EFCAB5: variants seen among roughly 807,000 people sequenced by gnomAD.
The protein encoded by EFCAB5 is EF-hand calcium-binding domain-containing protein 5.
Under a neutral mutation model 167.9 loss-of-function variants are expected in EFCAB5, and 131 were observed. That is an observed-to-expected ratio of 0.78 (90% confidence interval 0.68 to 0.90). The LOEUF (loss-of-function observed/expected upper bound fraction) is 0.90. EFCAB5 is among the 40% of genes least tolerant of loss of function. The probability of loss-of-function intolerance (pLI) is 0.00; values close to 1 mark genes in which losing one functional copy is unlikely to be tolerated. For synonymous variants in EFCAB5, 574 were observed against 602.8 expected (o/e 0.95, Z 0.70); for missense variants, 1,663 against 1,745.2 (o/e 0.95, Z 0.84).
chr17:30,060,727 A>G (rs1458626342), intron 14 of EFCAB5, among the ~76,000 whole-genome samples: 1 of 152,250 alleles, frequency 6.6e-6, no homozygotes, highest in Non-Finnish European at 1.5e-5. Flanking sequence ...GTCTTAGGAT[A>G]CATCCAATGA....
At chr17:30,073,623 C>CT (rs1472384473) in intron 14 of EFCAB5, 2 of 707,010 alleles carry the variant, frequency 2.8e-6, no homozygotes, top group Non-Finnish European at 5.3e-6. Context: ...TTGTTAACAG[C>CT]TTTTTTCTTT....
chr17:30,106,225 G>A (rs1376026959), intron 22 of EFCAB5, among the ~76,000 whole-genome samples: 1 of 151,668 alleles, frequency 6.6e-6, no homozygotes. Flanking sequence ...AGAAGTTCAA[G>A]ACTAGCCTGG....
chr17:29,996,087 G>A (rs2068537132), intron 5 of EFCAB5, among the ~76,000 whole-genome samples: 1 of 152,044 alleles, frequency 6.6e-6, no homozygotes, highest in African/African-American at 2.4e-5. Context: ...AAAAAAAATT[G>A]AAATCCATGC....
chr17:30,031,266 T>C (rs2151732263), intron 7 of EFCAB5, among the ~76,000 whole-genome samples: 1 of 152,206 alleles, frequency 6.6e-6, no homozygotes, highest in African/African-American at 2.4e-5. Context: ...AAACTATAGA[T>C]TATTGGGCCC....
chr17:30,097,335 G>C (rs1052423674), intron 22 of EFCAB5, among the ~76,000 whole-genome samples: 1 of 152,122 alleles, frequency 6.6e-6, no homozygotes, highest in Non-Finnish European at 1.5e-5. Context: ...GATTACAGGC[G>C]TGAGCCACTG....
chr17:30,017,256 C>T (rs918243566), intron 7 of EFCAB5, among the ~76,000 whole-genome samples: 1 of 151,954 alleles, frequency 6.6e-6, no homozygotes, highest in African/African-American at 2.4e-5. Context: ...ATGCATATTA[C>T]CGTCACCCAG....
chr17:29,977,686 AAGAG>A (rs1244813884), intron 4 of EFCAB5, among the ~76,000 whole-genome samples: 1 of 152,202 alleles, frequency 6.6e-6, no homozygotes, highest in Non-Finnish European at 1.5e-5. Context: ...TTAATCCATA[AAGAG>A]AGAGAAACAC....
intron 7 of EFCAB5, among the ~76,000 whole-genome samples, chr17:30,003,522 T>A (rs887253498): frequency 2.0e-5 from 3 of 151,148 alleles, no homozygotes; most frequent in Middle Eastern, 3.2e-3. Flanking sequence ...CGTGAGCCAC[T>A]GTGCCCAGCC....
In EFCAB5 at chr17:30,053,302, G is replaced by C. The variant is rs777624712; in HGVS notation, c.1348G>C (p.Asp450His). 6.2e-7 allele frequency: 1 copy of C among 1,613,180 alleles called. No individual in the cohort carries two copies. Among genetic ancestry groups the C allele is most frequent in the Admixed American group, 1.7e-5 (1 of 59,932 alleles). ...GATAAACTTGACTGAGTTGTGGGGA[G>C]ACATGGATAATCAGAAACACATTTA... is the stretch of plus-strand genomic sequence containing the variant. ...EEINLTELWG[D>H]MDNQKHIYEG... is the part of the protein sequence containing the mutation. Residue 450 changes from aspartate to histidine, a missense_variant, in exon 10 of 23, where the codon GAC (aspartate) becomes CAC (histidine). By Grantham distance (81) the Asp-to-His change is moderately conservative. Transcript: ENST00000394835.
intron 4 of EFCAB5, among the ~76,000 whole-genome samples, chr17:29,972,106 C>T (rs1232951200): frequency 4.0e-5 from 6 of 151,496 alleles, no homozygotes; most frequent in Non-Finnish European, 8.8e-5. Flanking sequence ...GGCGTGATCT[C>T]GGCTCACTGC....
intron 7 of EFCAB5, among the ~76,000 whole-genome samples, chr17:30,008,561 GCCTGGGTGA>G (rs1235551097): frequency 6.6e-6 from 1 of 151,738 alleles, no homozygotes; most frequent in Non-Finnish European, 1.5e-5. Flanking sequence ...CTGCACTCCA[GCCTGGGTGA>G]CAGAGCAAGA....
At chr17:30,014,559 C>T (rs925059362) in intron 7 of EFCAB5, among the ~76,000 whole-genome samples, 5 of 152,122 alleles carry the variant, frequency 3.3e-5, no homozygotes, top group African/African-American at 1.2e-4. Flanking sequence ...ATATAATGAC[C>T]TTCTTTGTCC....
intron 14 of EFCAB5, 64 bp downstream of exon 14, chr17:30,059,765 C>A: frequency 7.1e-7 from 1 of 1,401,422 alleles, no homozygotes; most frequent in Non-Finnish European, 9.6e-7. Flanking sequence ...TTTCTCAGTA[C>A]ACATATACAG....
At position 30,053,969 on chromosome 17, in the gene EFCAB5, A is replaced by C. The variant is rs2070181590; in HGVS notation, c.2015A>C (p.Gln672Pro). Residue 672 changes from glutamine to proline, a missense_variant, in exon 10 of 23, where the codon CAA becomes CCA. Coordinates refer to ENST00000394835, the MANE Select transcript of EFCAB5 (RefSeq NM_198529.4). ...EEQEDIGSTS[Q>P]SRKDSILKST... ...CAAGAAGACATAGGCTCAACTTCAC[A>C]ATCAAGAAAAGATAGTATCTTAAAA... is the stretch of plus-strand genomic sequence containing the variant. 6.2e-7 allele frequency: 1 copy of C among 1,613,848 alleles called. No individual in the cohort carries two copies.
At chr17:30,009,713 T>C (rs1249220419) in intron 7 of EFCAB5, among the ~76,000 whole-genome samples, 1 of 152,230 alleles carries the variant, frequency 6.6e-6, no homozygotes, top group East Asian at 1.9e-4. Context: ...CCTAAGTTTT[T>C]ACATGAATAT....
Position 30,092,158 on chromosome 17 carries a change from G to T in EFCAB5, c.4224+1G>T. The stretch of plus-strand genomic sequence containing the variant: ...TGGAAGTTGGGATAAGTGTAAATTT[G>T]TAAGTTTTTTTTTAAAAAGCACCTT... On this transcript the variant is annotated splice_donor_variant, in intron 21 of 22. Transcript: ENST00000394835. LOFTEE classifies it high-confidence loss of function. 1 of 1,598,156 alleles carries T rather than the reference G, an allele frequency of 6.3e-7. No individual in the cohort carries two copies. The highest frequency in any genetic ancestry group is 8.5e-7 in the Non-Finnish European group (1 of 1,172,960).
At position 29,943,590 on chromosome 17, in the gene EFCAB5, C is replaced by T; in HGVS notation, c.131C>T (p.Pro44Leu). Residue 44 changes from proline to leucine, a missense_variant, in exon 3 of 23, where the codon CCT becomes CTT. By Grantham distance (98) the Pro-to-Leu change is moderately conservative (BLOSUM62 -3). Transcript: ENST00000394835. ...ACCTTACAGAGTGTGCCAGACGTTCCTGTAAAAGAGGACACCAACAGTGTG... is the reference window on the plus strand; with the variant it reads ...ACCTTACAGAGTGTGCCAGACGTTCTTGTAAAAGAGGACACCAACAGTGTG... ...HETLQSVPDV[P>L]VKEDTNSVVE... is the part of the protein sequence containing the mutation. 1.3e-6 allele frequency: 2 copies of T among 1,584,892 alleles called. No homozygotes were observed. The highest frequency in any genetic ancestry group is 1.7e-6 in the Non-Finnish European group (2 of 1,165,062).
intron 7 of EFCAB5, among the ~76,000 whole-genome samples, chr17:30,011,808 C>G (rs1265217868): frequency 2.6e-5 from 4 of 151,766 alleles, no homozygotes; most frequent in African/African-American, 9.7e-5. Context: ...GGCAAGCCAC[C>G]CAGGTGCCAA....
At chr17:30,036,489 G>A (rs979657299) in intron 8 of EFCAB5, among the ~76,000 whole-genome samples, 5 of 150,828 alleles carry the variant, frequency 3.3e-5, no homozygotes, top group African/African-American at 9.8e-5. Context: ...GAATGCAGCG[G>A]CATCATCATA....
Sources: gnomAD v4.1 joint callset for allele counts (sites outside exome capture counted in the v4.1 genomes callset) on GRCh38, gnomAD v4.1.1 for gene constraint, MANE v1.5 for transcripts, NCBI Gene and HGNC (gene_info 2026-07-23, HGNC 2026-07-21) for gene names.